LRP1B: variants seen among roughly 807,000 people sequenced by gnomAD.
LRP1B encodes LDL receptor related protein 1B.
In LRP1B, 217 loss-of-function variants were observed where a neutral mutation model predicts 556.6. The ratio of observed to expected loss-of-function variants is 0.39; its 90% CI spans 0.35 to 0.44. The LOEUF is 0.44. Among genes scored for constraint, LRP1B ranks in the 20% least tolerant of loss-of-function variants. LRP1B has a pLI of 1.00. For missense variants in LRP1B, 5,053 were observed against 5,620.8 expected (o/e 0.90, Z 3.23); for synonymous variants, 2,047 against 1,865.8 (o/e 1.10, Z -2.50).
intron 18 of LRP1B, among the ~76,000 whole-genome samples, chr2:140,967,022 G>A (rs1403750247): frequency 6.6e-6 from 1 of 152,104 alleles, no homozygotes; most frequent in Non-Finnish European, 1.5e-5. Context: ...TCTTGGCAAT[G>A]AGGGCTCTTT....
chr2:141,340,157 C>T (rs538488474), intron 3 of LRP1B, among the ~76,000 whole-genome samples: 19 of 152,162 alleles, frequency 1.2e-4, no homozygotes, highest in Middle Eastern at 6.8e-3. Flanking sequence ...TAGGTTTGAC[C>T]GAAGAAAAAT....
At chr2:141,342,598 T>C (rs747670826) in intron 3 of LRP1B, among the ~76,000 whole-genome samples, 12 of 151,710 alleles carry the variant, frequency 7.9e-5, no homozygotes, top group Non-Finnish European at 1.6e-4. Flanking sequence ...ATAGCCGAAC[T>C]GAGCAAGCAG....
chr2:141,660,241 C>A (rs1472106663), intron 2 of LRP1B, among the ~76,000 whole-genome samples: 2 of 152,122 alleles, frequency 1.3e-5, no homozygotes, highest in African/African-American at 4.8e-5. Flanking sequence ...AGCTCCCACC[C>A]CCAGCCAAGG....
intron 2 of LRP1B, among the ~76,000 whole-genome samples, chr2:141,616,802 G>A (rs958049878): frequency 6.6e-6 from 1 of 152,048 alleles, no homozygotes; most frequent in Admixed American, 6.6e-5. Flanking sequence ...CTATATCTCT[G>A]GTGTACAATC....
At chr2:140,734,747 A>T (rs937796306) in intron 35 of LRP1B, among the ~76,000 whole-genome samples, 2 of 107,588 alleles carry the variant, frequency 1.9e-5, no homozygotes, top group Non-Finnish European at 4.2e-5. Flanking sequence ...GACTGTGTGA[A>T]GCAGATACTA....
intron 2 of LRP1B, among the ~76,000 whole-genome samples, chr2:141,524,681 T>C (rs991526729): frequency 6.6e-6 from 1 of 152,060 alleles, no homozygotes; most frequent in Non-Finnish European, 1.5e-5. Flanking sequence ...CCCTCATCTA[T>C]GTAATTACCA....
intron 7 of LRP1B, among the ~76,000 whole-genome samples, chr2:141,083,647 C>A (rs1472956889): frequency 1.3e-5 from 2 of 152,060 alleles, no homozygotes; most frequent in African/African-American, 4.8e-5. Flanking sequence ...TGGATTAATC[C>A]ATTTATGGAT....
At chr2:141,727,679 C>A (rs1006815041) in intron 2 of LRP1B, among the ~76,000 whole-genome samples, 6 of 152,088 alleles carry the variant, frequency 3.9e-5, no homozygotes, top group African/African-American at 1.4e-4. Flanking sequence ...ATGACCCTTG[C>A]CTCACAGCCA....
intron 66 of LRP1B, among the ~76,000 whole-genome samples, chr2:140,419,190 A>T (rs953312743): frequency 6.6e-6 from 1 of 152,218 alleles, no homozygotes; most frequent in Non-Finnish European, 1.5e-5. Context: ...ATATCATAGC[A>T]AAGAATATCA....
intron 5 of LRP1B, among the ~76,000 whole-genome samples, chr2:141,240,943 T>C (rs1683847100): frequency 6.6e-6 from 1 of 152,136 alleles, no homozygotes; most frequent in South Asian, 2.1e-4. Flanking sequence ...GTCTCTGCTA[T>C]CAATCTTGCA....
At chr2:140,879,766 C>A (rs557870454) in intron 25 of LRP1B, among the ~76,000 whole-genome samples, 1 of 151,850 alleles carries the variant, frequency 6.6e-6, no homozygotes, top group Non-Finnish European at 1.5e-5. Flanking sequence ...AATGTTCAGT[C>A]ACAATAACTT....
intron 17 of LRP1B, among the ~76,000 whole-genome samples, chr2:140,984,651 G>A (rs1404892): frequency 0.43 from 64,734 of 151,862 alleles, 14,697 homozygotes; most frequent in East Asian, 0.61. Flanking sequence ...CCCATCTCAC[G>A]TTGTGATGGT....
At chr2:140,324,895 G>T (rs1573793113) in intron 80 of LRP1B, among the ~76,000 whole-genome samples, 1 of 139,814 alleles carries the variant, frequency 7.2e-6, no homozygotes, top group African/African-American at 2.7e-5. Flanking sequence ...TCCATCTGAG[G>T]CCATTGATTA....
intron 6 of LRP1B, among the ~76,000 whole-genome samples, chr2:141,210,723 T>C (rs920126627): frequency 2.0e-5 from 3 of 152,154 alleles, no homozygotes; most frequent in Non-Finnish European, 2.9e-5. Flanking sequence ...AGAATAATGA[T>C]TTAAAAGTTT....
chr2:141,322,300 C>T (rs1687269459), intron 3 of LRP1B, among the ~76,000 whole-genome samples: 2 of 151,934 alleles, frequency 1.3e-5, no homozygotes, highest in South Asian at 4.1e-4. Context: ...ATAGCAAATA[C>T]TAAGTCAAAG....
chr2:140,870,329 C>A (rs13416050), intron 25 of LRP1B, among the ~76,000 whole-genome samples: 2 of 151,818 alleles, frequency 1.3e-5, no homozygotes, highest in Non-Finnish European at 2.9e-5. Context: ...TGGCCCAGGA[C>A]GTTGTCTATT....
intron 71 of LRP1B, among the ~76,000 whole-genome samples, chr2:140,367,943 A>T (rs1454923010): frequency 1.3e-5 from 2 of 151,794 alleles, no homozygotes; most frequent in Non-Finnish European, 2.9e-5. Context: ...TTTTCTCCAC[A>T]TGAGTGTTGG....
chr2:141,868,232 C>G (rs1285427118), intron 1 of LRP1B, among the ~76,000 whole-genome samples: 1 of 152,164 alleles, frequency 6.6e-6, no homozygotes, highest in Non-Finnish European at 1.5e-5. Context: ...AGCCAAACCT[C>G]TAGTGCTACT....
chr2:140,376,585 A>T (rs145992437), intron 68 of LRP1B, among the ~76,000 whole-genome samples: 1 of 152,130 alleles, frequency 6.6e-6, no homozygotes, highest in Admixed American at 6.6e-5. Context: ...AAAAAAAAAA[A>T]TGTTTTGACT....
Sources: allele counts gnomAD v4.1 joint callset (sites outside exome capture counted in the v4.1 genomes callset), GRCh38; gene constraint gnomAD v4.1.1; transcripts MANE v1.5; gene names NCBI Gene and HGNC (gene_info 2026-07-23, HGNC 2026-07-21).